The following NECTIN3 variants were observed in gnomAD, a reference collection of about 807,000 sequenced individuals.
NECTIN3 encodes the protein nectin cell adhesion molecule 3.
NECTIN3 carries 8 observed loss-of-function variants against 49.4 expected under a neutral mutation model. The ratio of observed to expected loss-of-function variants is 0.16; its 90% CI spans 0.10 to 0.29. The LOEUF (loss-of-function observed/expected upper bound fraction) is 0.29. Among genes scored for constraint, NECTIN3 ranks in the 10% least tolerant of loss-of-function variants. The pLI is 1.00. For missense variants in NECTIN3, 581 were observed against 654.6 expected, an observed-to-expected ratio of 0.89 and a Z score of 1.23; for synonymous variants, 277 against 241.1, an observed-to-expected ratio of 1.15 and a Z score of -1.38.
chr3:111,137,153 T>C lies in NECTIN3; in HGVS notation c.*2938T>C, dbSNP rs1270129491. ...CATTTTATATGTGAAAACATCTGAT[T>C]TGAGTTTTTGATAAATACTGCTAAA... On this transcript the variant is annotated 3_prime_UTR_variant, in exon 6 of 6. Coordinates refer to ENST00000485303, the MANE Select transcript of NECTIN3 (RefSeq NM_015480.3). 2 of 958,846 alleles carry C rather than the reference T, an allele frequency of 2.1e-6. No homozygotes were observed. The highest frequency in any genetic ancestry group is 2.5e-6 in the Non-Finnish European group (2 of 806,134). The allele number at this position is 958,846 out of a possible 1,614,324, so 59.4% of individuals were successfully genotyped here.
intron 7 of NECTIN3, among the ~76,000 whole-genome samples, chr3:111,151,319 ATC>A (rs1422028197): frequency 1.3e-5 from 2 of 151,924 alleles, no homozygotes; most frequent in Non-Finnish European, 2.9e-5. Flanking sequence ...TCAGTTTATA[ATC>A]TGTTAAAATT....
rs569002113 is a variant in NECTIN3 at position 111,164,620 on chromosome 3, C to T, written c.1221+17136C>T. On this transcript the variant is annotated intron_variant, in intron 7 of 8. Transcript: ENST00000493615. ...GTCCTGGGGGGAAATCTTTTCCATG[C>T]CTCTCTTCTAGCTTCCGTTGGTTGC... Among the ~76,000 whole-genome samples, 25 of 152,298 alleles carry T rather than the reference C, an allele frequency of 1.6e-4. No individual in the cohort carries two copies. The South Asian group carries it at 5.0e-3, about 30-fold the overall frequency.
At chr3:111,192,458 C>A (rs1343765967) in intron 1 of NECTIN3, 16 of 1,452,578 alleles carry the variant, frequency 1.1e-5, no homozygotes, top group Non-Finnish European at 1.5e-5. Flanking sequence ...GAGCTGGTAG[C>A]TAACGTGCTT....
intron 7 of NECTIN3, among the ~76,000 whole-genome samples, chr3:111,161,628 A>C (rs936628079): frequency 4.6e-5 from 7 of 152,128 alleles, no homozygotes; most frequent in African/African-American, 1.7e-4. Flanking sequence ...TCTGCTGTGA[A>C]CTGCGCATGC....
intron 1 of NECTIN3, chr3:111,072,425 C>T (rs972604261): frequency 2.0e-5 from 30 of 1,530,780 alleles, no homozygotes; most frequent in Middle Eastern, 1.7e-4. Flanking sequence ...TGCGGATGGC[C>T]GAGGGTTGGC....
chr3:111,082,286 C>T (rs148722069), intron 1 of NECTIN3, among the ~76,000 whole-genome samples: 362 of 151,720 alleles, frequency 2.4e-3, no homozygotes, highest in African/African-American at 8.3e-3. Flanking sequence ...GGGTGAGGTA[C>T]GAGGGGTAGG....
At chr3:111,175,164 C>T (rs2035504697) in intron 7 of NECTIN3, among the ~76,000 whole-genome samples, 1 of 151,770 alleles carries the variant, frequency 6.6e-6, no homozygotes, top group African/African-American at 2.4e-5. Flanking sequence ...ATTTCTCTGT[C>T]ACATTGTTCC....
At chr3:111,091,664 C>T (rs1203906321) in intron 1 of NECTIN3, among the ~76,000 whole-genome samples, 2 of 152,012 alleles carry the variant, frequency 1.3e-5, no homozygotes, top group African/African-American at 4.8e-5. Flanking sequence ...AACTAATATT[C>T]TGTTATGTAG....
intron 2 of NECTIN3, among the ~76,000 whole-genome samples, chr3:111,113,442 A>G (rs1232598408): frequency 6.6e-6 from 1 of 152,156 alleles, no homozygotes; most frequent in Non-Finnish European, 1.5e-5. Flanking sequence ...AATAGCTCCT[A>G]ATGTTTAAGG....
intron 4 of NECTIN3, among the ~76,000 whole-genome samples, chr3:111,123,995 T>C (rs921399041): frequency 5.9e-5 from 9 of 152,286 alleles, no homozygotes; most frequent in Admixed American, 3.3e-4. Flanking sequence ...TTTTCTCCTC[T>C]AGGGTTTTTA....
At chr3:111,191,794 G>A (rs550074841), upstream of NECTIN3, among the ~76,000 whole-genome samples, 1 of 152,238 alleles carries the variant, frequency 6.6e-6, no homozygotes, top group East Asian at 1.9e-4. Context: ...ATGTAAACAA[G>A]TTTGCATGAG....
rs549978125 is a variant in NECTIN3, at chr3:111,192,536, T to C, written c.63+123T>C. On this transcript the variant is annotated intron_variant, in intron 1 of 1. Transcript: ENST00000485506. ...CTTTCCCCTATTTGAGTGTCTCTGC[T>C]AAGATCTGGTAGTCCTTGAATTTTA... is the stretch of plus-strand genomic sequence containing the variant. 179 of 960,780 alleles carry C rather than the reference T, an allele frequency of 1.9e-4. 2 individuals carry two copies. In the South Asian group the frequency reaches 2.6e-3, roughly 14 times the overall value. 59.5% of individuals were successfully genotyped at this position (960,780 alleles called of 1,614,324 possible).
intron 1 of NECTIN3, among the ~76,000 whole-genome samples, chr3:111,075,540 C>T (rs947794011): frequency 1.3e-5 from 2 of 152,006 alleles, no homozygotes; most frequent in Non-Finnish European, 2.9e-5. Flanking sequence ...CAAATGTTAG[C>T]ATTTATTATA....
intron 1 of NECTIN3, chr3:111,077,343 G>GGAAAAAA: frequency 3.4e-5 from 1 of 29,688 alleles, no homozygotes; most frequent in Admixed American, 4.6e-4. Context: ...AACTTTAATG[G>GGAAAAAA]TAAAAAAAAA....
chr3:111,130,049 G>A (rs1051263797), intron 5 of NECTIN3, among the ~76,000 whole-genome samples: 13 of 148,652 alleles, frequency 8.7e-5, no homozygotes, highest in East Asian at 2.0e-4. Context: ...TCCGCCTCCC[G>A]GGTTCACGGC....
At chr3:111,145,458 A>G (rs1352882543) in intron 6 of NECTIN3, among the ~76,000 whole-genome samples, 1 of 152,226 alleles carries the variant, frequency 6.6e-6, no homozygotes, top group Non-Finnish European at 1.5e-5. Context: ...AAGTTATTAA[A>G]TACATTGAGT....
intron 5 of NECTIN3, among the ~76,000 whole-genome samples, chr3:111,128,195 G>A (rs147849012): frequency 2.4e-3 from 371 of 151,896 alleles, no homozygotes; most frequent in African/African-American, 8.3e-3. Flanking sequence ...AAAATTAGCC[G>A]GCATGGTGGT....
In NECTIN3 at chr3:111,135,187, G is replaced by A. The variant is rs904923552; in HGVS notation, c.*972G>A. 6.1e-6 allele frequency: 6 copies of A among 981,886 alleles called. No homozygotes were observed. Among genetic ancestry groups the A allele is most frequent in the South Asian group, 4.7e-5 (1 of 21,216 alleles). The allele number at this position is 981,886 out of a possible 1,614,324, so 60.8% of individuals were successfully genotyped here. On this transcript the variant is annotated 3_prime_UTR_variant, in exon 6 of 6. Coordinates refer to ENST00000485303, the MANE Select transcript of NECTIN3 (RefSeq NM_015480.3). ...CTTGTTTTAGTTATTTAATGTTGAT[G>A]TTGTTCAAATGGGTAAATGTACAGA...
chr3:111,147,583 G>T, intron 7 of NECTIN3: 1 of 1,035,134 alleles, frequency 9.7e-7, no homozygotes, highest in East Asian at 2.7e-5. Flanking sequence ...TAGTCATTAT[G>T]CATTAAGTGT....
Sources: gnomAD v4.1 joint callset for allele counts (sites outside exome capture counted in the v4.1 genomes callset) on GRCh38, gnomAD v4.1.1 for gene constraint, MANE v1.5 for transcripts, NCBI Gene and HGNC (gene_info 2026-07-23, HGNC 2026-07-21) for gene names.